SNTG2: variants seen among roughly 807,000 people sequenced by gnomAD.
The protein encoded by SNTG2 is syntrophin gamma 2.
Under a neutral mutation model 70.9 loss-of-function variants are expected in SNTG2, and 74 were observed. That is an observed-to-expected ratio of 1.04 (90% CI 0.86 to 1.27). SNTG2 has a LOEUF of 1.27. SNTG2 is among the 50% of genes most tolerant of loss of function. SNTG2 has a pLI of 0.00. For missense variants in SNTG2, 717 were observed against 690.7 expected, an observed-to-expected ratio of 1.04 and a Z score of -0.43; for synonymous variants, 278 against 273.8, an observed-to-expected ratio of 1.02 and a Z score of -0.15.
At chr2:1,304,538 C>T (rs1680592122) in intron 14 of SNTG2, among the ~76,000 whole-genome samples, 1 of 152,068 alleles carries the variant, frequency 6.6e-6, no homozygotes, top group Non-Finnish European at 1.5e-5. Flanking sequence ...CCAGCCTGGT[C>T]AACATGGTGA....
At chr2:1,280,485 C>T (rs1365264128) in intron 14 of SNTG2, among the ~76,000 whole-genome samples, 1 of 152,154 alleles carries the variant, frequency 6.6e-6, no homozygotes, top group Non-Finnish European at 1.5e-5. Context: ...ACAACAGTTG[C>T]ACAAATGGCC....
chr2:1,255,433 G>A (rs984641559), intron 12 of SNTG2, among the ~76,000 whole-genome samples: 1 of 152,112 alleles, frequency 6.6e-6, no homozygotes, highest in Non-Finnish European at 1.5e-5. Context: ...GATATGGCAG[G>A]TCTGGTGCGG....
At chr2:1,220,450 G>C (rs557669105) in intron 9 of SNTG2, among the ~76,000 whole-genome samples, 9 of 152,160 alleles carry the variant, frequency 5.9e-5, no homozygotes, top group Non-Finnish European at 1.0e-4. Flanking sequence ...ACGGCATGTC[G>C]TGTGTCCCCT....
intron 1 of SNTG2, among the ~76,000 whole-genome samples, chr2:1,066,367 G>C (rs765086915): frequency 6.6e-6 from 1 of 151,906 alleles, no homozygotes; most frequent in South Asian, 2.1e-4. Flanking sequence ...GTACAGTCAC[G>C]TGTTGTTGTG....
At chr2:1,255,875 T>TATGTATATAA (rs1678053207) in intron 12 of SNTG2, among the ~76,000 whole-genome samples, 1 of 55,860 alleles carries the variant, frequency 1.8e-5, no homozygotes, top group Non-Finnish European at 3.3e-5. Context: ...TATATATAAA[T>TATGTATATAA]ATATATATAA....
At chr2:1,359,475 T>G (rs1174460678) in intron 16 of SNTG2, among the ~76,000 whole-genome samples, 1 of 152,174 alleles carries the variant, frequency 6.6e-6, no homozygotes, top group African/African-American at 2.4e-5. Flanking sequence ...CAATTTCTAT[T>G]TTGTCTAAGT....
At chr2:1,127,138 A>G (rs545275343) in intron 4 of SNTG2, among the ~76,000 whole-genome samples, 1 of 151,848 alleles carries the variant, frequency 6.6e-6, no homozygotes, top group African/African-American at 2.4e-5. Context: ...ATTTTTTTAT[A>G]CAAAGTGAGA....
At chr2:1,095,803 C>T (rs906282238) in intron 2 of SNTG2, among the ~76,000 whole-genome samples, 2 of 152,172 alleles carry the variant, frequency 1.3e-5, no homozygotes, top group Admixed American at 6.5e-5. Context: ...TGTTATTGAG[C>T]ATTTTCAGAA....
chr2:1,196,904 G>A (rs1010348729), intron 8 of SNTG2, among the ~76,000 whole-genome samples: 4 of 152,068 alleles, frequency 2.6e-5, no homozygotes, highest in African/African-American at 9.7e-5. Flanking sequence ...GAAGTGAAAG[G>A]ACCACATCTA....
intron 14 of SNTG2, among the ~76,000 whole-genome samples, chr2:1,277,267 AAGAGT>A (rs1260404725): frequency 1.3e-5 from 2 of 152,220 alleles, no homozygotes; most frequent in Non-Finnish European, 2.9e-5. Flanking sequence ...TCATGAAAAG[AAGAGT>A]AAATCGATGA....
At chr2:1,365,236 G>T (rs771136443) in intron 16 of SNTG2, among the ~76,000 whole-genome samples, 1 of 152,192 alleles carries the variant, frequency 6.6e-6, no homozygotes, top group Non-Finnish European at 1.5e-5. Flanking sequence ...CATGACCAGA[G>T]TGAGGGATGC....
At chr2:1,303,720 C>T (rs1434447299) in intron 14 of SNTG2, among the ~76,000 whole-genome samples, 2 of 151,388 alleles carry the variant, frequency 1.3e-5, no homozygotes, top group Non-Finnish European at 2.9e-5. Context: ...AAGAAAGACT[C>T]ACAAAAAAAA....
intron 1 of SNTG2, among the ~76,000 whole-genome samples, chr2:1,054,522 C>G (rs1662270224): frequency 6.6e-6 from 1 of 152,186 alleles, no homozygotes. Context: ...CTCTTCCTAG[C>G]AGGTTTAGGA....
At chr2:1,165,873 T>G (rs1172337320) in intron 7 of SNTG2, among the ~76,000 whole-genome samples, 4 of 152,198 alleles carry the variant, frequency 2.6e-5, no homozygotes, top group African/African-American at 9.7e-5. Context: ...CGACTGTGCT[T>G]CTCGTCACTT....
chr2:1,251,032 C>T (rs929433424), intron 12 of SNTG2, among the ~76,000 whole-genome samples: 1 of 152,234 alleles, frequency 6.6e-6, no homozygotes, highest in Admixed American at 6.5e-5. Flanking sequence ...GAGCCATCAG[C>T]AGGGCTTCTT....
At chr2:1,152,336 T>C (rs1482527547) in intron 6 of SNTG2, among the ~76,000 whole-genome samples, 3 of 152,228 alleles carry the variant, frequency 2.0e-5, no homozygotes, top group African/African-American at 7.2e-5. Flanking sequence ...GGAAAGATAT[T>C]GGGTACACAT....
chr2:1,352,962 C>A (rs1660661096), intron 16 of SNTG2, among the ~76,000 whole-genome samples: 2 of 152,148 alleles, frequency 1.3e-5, no homozygotes. Context: ...CATTCAGTCA[C>A]CACAGCAGTT....
At chr2:1,065,690 C>A (rs113197374) in intron 1 of SNTG2, among the ~76,000 whole-genome samples, 1,631 of 150,888 alleles carry the variant, frequency 0.011, 29 homozygotes, top group African/African-American at 0.037. Flanking sequence ...TTTTATGATA[C>A]TCTGCTCAGC....
intron 16 of SNTG2, among the ~76,000 whole-genome samples, chr2:1,346,835 A>T (rs923022203): frequency 1.2e-4 from 18 of 152,086 alleles, no homozygotes; most frequent in African/African-American, 4.1e-4. Flanking sequence ...TACAAGTCAT[A>T]GGTGGGTTTT....
Sources: gnomAD v4.1 joint callset for allele counts (sites outside exome capture counted in the v4.1 genomes callset) on GRCh38, gnomAD v4.1.1 for gene constraint, MANE v1.5 for transcripts, NCBI Gene and HGNC (gene_info 2026-07-23, HGNC 2026-07-21) for gene names.